The following PLIN5 variants were observed in gnomAD, a reference collection of about 807,000 sequenced individuals.
PLIN5 encodes perilipin 5.
In PLIN5, 34 loss-of-function variants were observed where a neutral mutation model predicts 32.8. The observed-to-expected ratio is 1.04, with a 90% CI of 0.79 to 1.38. The LOEUF (loss-of-function observed/expected upper bound fraction) is 1.38. Among genes scored for constraint, PLIN5 ranks in the 40% most tolerant of loss-of-function variants. The pLI, the probability that PLIN5 is intolerant of heterozygous loss-of-function variation, is 0.00. For synonymous variants in PLIN5, 309 were observed against 292.9 expected (o/e 1.05, Z -0.56); for missense variants, 712 against 660.5 (o/e 1.08, Z -0.85).
At chr19:4,531,502 G>T in intron 3 of PLIN5, 125 bp downstream of exon 3, 1 of 950,020 alleles carries the variant, frequency 1.1e-6, no homozygotes, top group Non-Finnish European at 1.5e-6. Flanking sequence ...CATGGCAGTG[G>T]GACAGGTGGC....
rs78954683 is a variant in PLIN5, at chr19:4,529,140, C to G, written c.453G>C (p.Val151=). The change falls in exon 5 of 8, where the codon GTG becomes GTC. Residue 151 remains valine (V), a synonymous_variant. Transcript: ENST00000381848. The part of the protein sequence containing the change: ...VELKRSVSHA[V]DVVLEKSEEL... ...CCTCTGATTTTTCCAGTACAACATC[C>G]ACAGCATGGCTCACGGAGCGCTTCA... 5.4e-4 allele frequency: 878 copies of G among 1,613,496 alleles called. No individual in the cohort carries two copies. Among genetic ancestry groups the G allele is most frequent in the Non-Finnish European group, 7.1e-4 (841 of 1,180,000 alleles).
rs1976797142 is a variant in PLIN5 at position 4,525,918 on chromosome 19, TAC to T, written c.521-88_521-87del. ...ATACGGGGACAGCACGGGGACAGGA[TAC>T]GGGGACAGCACGGGGACAGGATACG... On this transcript the variant is annotated intron_variant, in intron 5 of 7. Coordinates refer to ENST00000381848, the MANE Select transcript of PLIN5 (RefSeq NM_001013706.3). This position sits in a 1 kb window ranked among gnomAD's most constrained non-coding sequence, Gnocchi z 5.6. The T allele has an allele frequency of 5.2e-5, 28 of 537,826 alleles. No individual in the cohort carries two copies. The highest frequency in any genetic ancestry group is 4.4e-4 in the Admixed American group (14 of 31,638). 33.3% of individuals were successfully genotyped at this position (537,826 alleles called of 1,614,324 possible).
At position 4,525,894 on chromosome 19, in the gene PLIN5, T is replaced by TACGGGGACAGC. The variant is rs878894320; in HGVS notation, c.521-73_521-63dup. 30 of 525,982 alleles carry TACGGGGACAGC rather than the reference T, an allele frequency of 5.7e-5. No homozygotes were observed. Among genetic ancestry groups the TACGGGGACAGC allele is most frequent in the East Asian group, 3.0e-4 (11 of 36,484 alleles). The allele number at this position is 525,982 out of a possible 1,614,324, so 32.6% of individuals were successfully genotyped here. On this transcript the variant is annotated intron_variant, in intron 5 of 7. Transcript: ENST00000381848. This position sits in a 1 kb window ranked among gnomAD's most constrained non-coding sequence, Gnocchi z 5.6. Reference sequence around the variant, plus strand: ...ATACGGGGACAGCACGGGGACAGGATACGGGGACAGCACGGGGACAGGATA... The same window carrying TACGGGGACAGC: ...ATACGGGGACAGCACGGGGACAGGATACGGGGACAGCACGGGGACAGCACGGGGACAGGATA...
In PLIN5 at chr19:4,523,887, C is replaced by A; in HGVS notation, c.1033G>T (p.Ala345Ser). The change falls in exon 8 of 8, where the codon GCC becomes TCC. Residue 345 changes from alanine to serine, a missense_variant. Coordinates refer to ENST00000381848, the MANE Select transcript of PLIN5 (RefSeq NM_001013706.3). The surrounding 1 kb of genome is among the most constrained non-coding windows in gnomAD (Gnocchi z 5.0). ...TGGGCCACGCGACCCCGGCCCTCGG[C>A]CAGCGCGGCCGCTGGCACGTCCCTG... is the stretch of plus-strand genomic sequence containing the variant. ...CFRDVPAAAL[A>S]EGRGRVAHAH... 1 of 1,513,284 alleles carries A rather than the reference C, an allele frequency of 6.6e-7. No individual in the cohort carries two copies. The allele number at this position is 1,513,284 out of a possible 1,614,324, so 93.7% of individuals were successfully genotyped here. A position where few individuals can be genotyped will look rare whatever the true frequency, so the allele number is the denominator to read the frequency against.
At position 4,525,190 on chromosome 19, in the gene PLIN5, A is replaced by T; in HGVS notation, c.721-114T>A. On this transcript the variant is annotated intron_variant, in intron 6 of 7. Transcript: ENST00000381848. This position sits in a 1 kb window ranked among gnomAD's most constrained non-coding sequence, Gnocchi z 5.6. ...CAGTAAGCATTTAGGAGACCGAGGC[A>T]GGTTGTGCAGGGCCGTGGGGAAGAC... 1 of 647,360 alleles carries T rather than the reference A, an allele frequency of 1.5e-6. No homozygotes were observed. The highest frequency in any genetic ancestry group is 2.5e-6 in the Non-Finnish European group (1 of 394,386). 40.1% of individuals were successfully genotyped at this position (647,360 alleles called of 1,614,324 possible). A position where few individuals can be genotyped will look rare whatever the true frequency, so the allele number is the denominator to read the frequency against.
intron 7 of PLIN5, among the ~76,000 whole-genome samples, chr19:4,524,429 G>A (rs1976773923): frequency 6.6e-6 from 1 of 152,198 alleles, no homozygotes; most frequent in Non-Finnish European, 1.5e-5. Context: ...GTGGACACCT[G>A]TAGTCCCAGC....
At chr19:4,526,695 T>C (rs1976807596) in intron 5 of PLIN5, among the ~76,000 whole-genome samples, 1 of 151,586 alleles carries the variant, frequency 6.6e-6, no homozygotes, top group Non-Finnish European at 1.5e-5. Context: ...AAAAAAGAAA[T>C]ACAGAAATTA....
At chr19:4,530,266 C>T (rs1165032631) in intron 3 of PLIN5, among the ~76,000 whole-genome samples, 1 of 152,126 alleles carries the variant, frequency 6.6e-6, no homozygotes, top group Admixed American at 6.5e-5. Context: ...CTGGGCCCTG[C>T]CACCCACCCT....
chr19:4,523,966 C>G lies in PLIN5; in HGVS notation c.954G>C (p.Glu318Asp). ...LPAGAQEKVAEVRRSVDALQT... is the reference protein window; with the variant it reads ...LPAGAQEKVADVRRSVDALQT... ...GCAGGGCATCCACACTGCGCCGCAC[C>G]TCAGCCACCTTCTCCTGGGCGCCGG... Residue 318 changes from glutamate (E) to aspartate (D), a missense_variant, in exon 8 of 8, where the codon GAG (glutamate) becomes GAC (aspartate). Transcript: ENST00000381848. This position sits in a 1 kb window ranked among gnomAD's most constrained non-coding sequence, Gnocchi z 5.0. 2.6e-6 allele frequency: 4 copies of G among 1,527,648 alleles called. No homozygotes were observed. Among genetic ancestry groups the G allele is most frequent in the Non-Finnish European group, 3.5e-6 (4 of 1,144,520 alleles). The allele number at this position is 1,527,648 out of a possible 1,614,324, so 94.6% of individuals were successfully genotyped here.
In PLIN5 at chr19:4,534,101, G is replaced by T. The variant is rs1359124358; in HGVS notation, c.-21-6C>A. The T allele has an allele frequency of 6.2e-7, 1 of 1,603,870 alleles. No homozygotes were observed. Among genetic ancestry groups the T allele is most frequent in the Non-Finnish European group, 8.5e-7 (1 of 1,175,500 alleles). ...GTGCTGCAAACAGGGTCACCCTGCG[G>T]GGCAGGATTGAGTAAGGGGAGCACC... is the stretch of plus-strand genomic sequence containing the variant. On this transcript the variant is annotated splice_polypyrimidine_tract_variant and splice_region_variant and intron_variant, in intron 1 of 7. Transcript: ENST00000381848.
Position 4,529,829 on chromosome 19 carries a change from G to C in PLIN5, c.294C>G (p.Asp98Glu), listed in dbSNP as rs752240334. Residue 98 changes from aspartate (D) to glutamate (E), a missense_variant, in exon 4 of 8, where the codon GAC becomes GAG. Transcript: ENST00000381848. ...TMNSLACRGL[D>E]KLEEKLPFLQ... ...GAAAGGGAAGCTTCTCTTCCAGCTT[G>C]TCCAGGCCCCTGCAGGCGAGGCTGT... 1.9e-6 allele frequency: 3 copies of C among 1,611,404 alleles called. No homozygotes were observed. Among genetic ancestry groups the C allele is most frequent in the Non-Finnish European group, 2.5e-6 (3 of 1,178,140 alleles).
intron 5 of PLIN5, among the ~76,000 whole-genome samples, chr19:4,527,032 T>C (rs1443650917): frequency 6.6e-6 from 1 of 151,086 alleles, no homozygotes; most frequent in Non-Finnish European, 1.5e-5. Flanking sequence ...AGCCCAGGAG[T>C]TGGAGACCAG....
In PLIN5 at chr19:4,529,776, C is replaced by T. The variant is rs778272511; in HGVS notation, c.339+8G>A. Reference sequence around the variant, plus strand: ...CTGGAGGTCCCCATGTCTAGTCGTCCGGGGTACCGTCTCCGAAGGTTGCTG... The same window carrying T: ...CTGGAGGTCCCCATGTCTAGTCGTCTGGGGTACCGTCTCCGAAGGTTGCTG... On this transcript the variant is annotated splice_region_variant and intron_variant, in intron 4 of 7. Transcript: ENST00000381848. The T allele has an allele frequency of 3.4e-5, 54 of 1,611,428 alleles. No individual in the cohort carries two copies. In the South Asian group the frequency reaches 3.4e-4, roughly 10 times the overall value.
In PLIN5 at chr19:4,522,893, G is replaced by C. The variant is rs1476846983; in HGVS notation, c.*635C>G. On this transcript the variant is annotated 3_prime_UTR_variant, in exon 8 of 8. Transcript: ENST00000381848. ...CCAAACAGAAGGCATTGGGCAAAAT[G>C]TGTATTTCTTCGGGAGGCTGTTACT... 1 of 151,938 alleles carries C rather than the reference G, an allele frequency of 6.6e-6. No individual in the cohort carries two copies. The highest frequency in any genetic ancestry group is 1.5e-5 in the Non-Finnish European group (1 of 68,006). 9.4% of individuals were successfully genotyped at this position (151,938 alleles called of 1,614,324 possible).
chr19:4,530,862 T>TG lies in PLIN5; in HGVS notation c.256+764dup, dbSNP rs572064105. The stretch of plus-strand genomic sequence containing the variant: ...TAATTTTTTGTATTTTTAGTAGAGT[T>TG]GGGGTTTCACCATGTTGGCCAGGCT... On this transcript the variant is annotated intron_variant, in intron 3 of 7. Transcript: ENST00000381848. Among the ~76,000 whole-genome samples the TG allele has an allele frequency of 7.6e-4, 116 of 151,956 alleles. 1 individual carries two copies. The highest frequency in any genetic ancestry group is 2.5e-3 in the African/African-American group (105 of 41,438).
rs976189630 is a variant in PLIN5, at chr19:4,523,451, T to G, written c.*77A>C. On this transcript the variant is annotated 3_prime_UTR_variant, in exon 8 of 8. Coordinates refer to ENST00000381848, the MANE Select transcript of PLIN5 (RefSeq NM_001013706.3). The surrounding 1 kb of genome is among the most constrained non-coding windows in gnomAD (Gnocchi z 5.0). ...AGGGTCAAGGCCAAGGCCTCGAGCT[T>G]ACGTGTGGCCACCAGGGGGCAGCAG... 1.4e-6 allele frequency: 2 copies of G among 1,461,276 alleles called. No individual in the cohort carries two copies. The highest frequency in any genetic ancestry group is 1.8e-4 in the Middle Eastern group (1 of 5,452). 90.5% of individuals were successfully genotyped at this position (1,461,276 alleles called of 1,614,324 possible). A position where few individuals can be genotyped will look rare whatever the true frequency, so the allele number is the denominator to read the frequency against.
At chr19:4,530,073 A>G (rs1976865176) in intron 3 of PLIN5, among the ~76,000 whole-genome samples, 1 of 152,190 alleles carries the variant, frequency 6.6e-6, no homozygotes, top group Non-Finnish European at 1.5e-5. Flanking sequence ...CCTTACACCA[A>G]GAAGCCGCTT....
Position 4,531,825 on chromosome 19 carries a change from G to T in PLIN5, c.61-3C>A. ...GCCACCACACGCTGCACCACGTTCT[G>T]CGGGAAGGGTCGGCATCAGGGGGAC... On this transcript the variant is annotated splice_region_variant and splice_polypyrimidine_tract_variant and intron_variant, in intron 2 of 7. Coordinates refer to ENST00000381848, the MANE Select transcript of PLIN5 (RefSeq NM_001013706.3). The T allele has an allele frequency of 1.3e-6, 2 of 1,540,508 alleles. No individual in the cohort carries two copies.
intron 5 of PLIN5, chr19:4,528,857 T>C: frequency 2.3e-6 from 1 of 442,804 alleles, no homozygotes; most frequent in East Asian, 3.5e-5. Flanking sequence ...AAAAGCCCTA[T>C]ATGCCCTTAG....
Sources: gnomAD v4.1 joint callset for allele counts (sites outside exome capture counted in the v4.1 genomes callset) on GRCh38, gnomAD v4.1.1 for gene constraint, Gnocchi (gnomAD v3.1) non-coding constraint, MANE v1.5 for transcripts, NCBI Gene and HGNC (gene_info 2026-07-23, HGNC 2026-07-21) for gene names.